The following EIF5B variants were observed in gnomAD, a reference collection of about 807,000 sequenced individuals.
The protein encoded by EIF5B is eIF-5B.
EIF5B carries 47 observed loss-of-function variants against 147.5 expected under a neutral mutation model. That is an observed-to-expected ratio of 0.32 (90% CI 0.25 to 0.41). EIF5B has a LOEUF of 0.41. Ranked by LOEUF, EIF5B falls within the 10% of genes least tolerant of loss-of-function variation. EIF5B has a pLI of 1.00. For synonymous variants in EIF5B, 455 were observed against 456.2 expected, an observed-to-expected ratio of 1.00 and a Z score of 0.03; for missense variants, 1,064 against 1,413.2, an observed-to-expected ratio of 0.75 and a Z score of 3.96.
rs371089792 is a variant in EIF5B, at chr2:99,390,371, C to T, written c.2556C>T (p.His852=). The change falls in exon 16 of 24, where the codon CAC becomes CAT. Residue 852 remains histidine, a synonymous_variant. Transcript: ENST00000289371. ...CCATGTTGAGCAAGAGACTTGCACA[C>T]TGTGAAGAGCTGAGAGCACAGGTGA... The part of the protein sequence containing the change: ...TQTMLSKRLA[H]CEELRAQVME... 5.1e-5 allele frequency: 83 copies of T among 1,613,124 alleles called. No homozygotes were observed. In the African/African-American group the frequency reaches 9.5e-4, roughly 18 times the overall value.
chr2:99,382,247 T>G (rs1478399137), intron 13 of EIF5B, 21 bp downstream of exon 13: 2 of 1,605,720 alleles, frequency 1.2e-6, no homozygotes, highest in Non-Finnish European at 8.5e-7. Flanking sequence ...TTTGAGTCTT[T>G]TCTCATCAAG....
chr2:99,338,497 C>T, intron 1 of EIF5B: 1 of 405,680 alleles, frequency 2.5e-6, no homozygotes, highest in Admixed American at 3.1e-5. Flanking sequence ...GCTAGTTCAT[C>T]AGTCTGACTC....
intron 10 of EIF5B, among the ~76,000 whole-genome samples, chr2:99,378,212 CAGAAAT>C (rs1674603187): frequency 6.6e-6 from 1 of 152,168 alleles, no homozygotes; most frequent in Admixed American, 6.6e-5. Flanking sequence ...AGGGTTCTTA[CAGAAAT>C]GGTTTTTAGA....
At position 99,369,402 on chromosome 2, in the gene EIF5B, A is replaced by G; in HGVS notation, c.1398A>G (p.Ser466=). ...QQLESKEVSE[S]MELCAAVEVM... is the part of the protein sequence containing the mutation. The stretch of plus-strand genomic sequence containing the variant: ...CTGCCCCTTTTTCAGTGTCTGAATC[A>G]ATGGAATTATGTGCTGCTGTAGAAG... Residue 466 remains serine (S), a synonymous_variant, in exon 8 of 24, where the codon TCA becomes TCG. Coordinates refer to ENST00000289371, the MANE Select transcript of EIF5B (RefSeq NM_015904.4). 3.7e-6 allele frequency: 6 copies of G among 1,610,022 alleles called. No individual in the cohort carries two copies. Among genetic ancestry groups the G allele is most frequent in the Non-Finnish European group, 5.1e-6 (6 of 1,178,030 alleles).
rs1199843795 is a variant in EIF5B, at chr2:99,399,564, T to C, written c.*150T>C. 1 of 671,078 alleles carries C rather than the reference T, an allele frequency of 1.5e-6. No individual in the cohort carries two copies. The highest frequency in any genetic ancestry group is 2.6e-5 in the Admixed American group (1 of 37,842). 41.6% of individuals were successfully genotyped at this position (671,078 alleles called of 1,614,324 possible). A position where few individuals can be genotyped will look rare whatever the true frequency, so the allele number is the denominator to read the frequency against. On this transcript the variant is annotated 3_prime_UTR_variant, in exon 24 of 24. Coordinates refer to ENST00000289371, the MANE Select transcript of EIF5B (RefSeq NM_015904.4). ...AAATAGGTGTATAAAATGTTTTCCATGAGAAACCAAGAAACTTACACTGGT... is the reference window on the plus strand; with the variant it reads ...AAATAGGTGTATAAAATGTTTTCCACGAGAAACCAAGAAACTTACACTGGT...
Position 99,346,122 on chromosome 2 carries a change from G to A in EIF5B, c.35+8533G>A, listed in dbSNP as rs142574778. On this transcript the variant is annotated intron_variant, in intron 1 of 23. Coordinates refer to ENST00000289371, the MANE Select transcript of EIF5B (RefSeq NM_015904.4). The stretch of plus-strand genomic sequence containing the variant: ...CGAGATTTCACATTTGCCTCTTAAA[G>A]TTATTGTTTATGCATCTTTAAAATC... 5.9e-3 allele frequency among the ~76,000 whole-genome samples: 896 copies of A among 152,286 alleles called. 6 individuals carry two copies. The highest frequency in any genetic ancestry group is 0.011 in the Non-Finnish European group (719 of 68,030).
In EIF5B at chr2:99,364,989, T is replaced by A. The variant is rs145428537; in HGVS notation, c.1288+568T>A. 6.5e-3 allele frequency among the ~76,000 whole-genome samples: 984 copies of A among 152,268 alleles called. 2 individuals are homozygous for A. The highest frequency in any genetic ancestry group is 0.01 in the Non-Finnish European group (706 of 68,014). On this transcript the variant is annotated intron_variant, in intron 6 of 23. Coordinates refer to ENST00000289371, the MANE Select transcript of EIF5B (RefSeq NM_015904.4). ...TTTATCCAAAGAGCTTTTGTTCCTT[T>A]TAGAGGGTAATAGTGTTTAGAGATC...
In EIF5B at chr2:99,394,897, T is replaced by G. The variant is rs1574942516; in HGVS notation, c.3254+14T>G. 22 of 1,550,670 alleles carry G rather than the reference T, an allele frequency of 1.4e-5. No homozygotes were observed. The highest frequency in any genetic ancestry group is 1.8e-5 in the Non-Finnish European group (21 of 1,143,968). The stretch of plus-strand genomic sequence containing the variant: ...AGAAGAATTTAAGTAAGTTACTGTT[T>G]TTATTTACTTTGAGTCTTTGTTAAT... On this transcript the variant is annotated intron_variant, in intron 21 of 23. Transcript: ENST00000289371.
Position 99,390,240 on chromosome 2 carries a change from T to G in EIF5B, c.2425T>G (p.Tyr809Asp), listed in dbSNP as rs1276773836. Residue 809 changes from tyrosine to aspartate, a missense_variant, in exon 16 of 24, where the codon TAT becomes GAT. Tyr to Asp is a radical substitution (Grantham distance 160). Around this residue, in one of 4 missense-constraint regions of EIF5B, gnomAD observed 380 missense variants for 715.6 expected, o/e 0.53. Coordinates refer to ENST00000289371, the MANE Select transcript of EIF5B (RefSeq NM_015904.4). Reference sequence around the variant, plus strand: ...CTAGGGTTTGAATGCTGCTTTGTTTTATGAGAATAAAGATCCCCGCACTTT... The same window carrying G: ...CTAGGGTTTGAATGCTGCTTTGTTTGATGAGAATAAAGATCCCCGCACTTT... Reference protein sequence around the residue: ...AQQGLNAALFYENKDPRTFVS... With the variant: ...AQQGLNAALFDENKDPRTFVS... 2 of 1,614,094 alleles carry G rather than the reference T, an allele frequency of 1.2e-6. No individual in the cohort carries two copies. Among genetic ancestry groups the G allele is most frequent in the Admixed American group, 3.3e-5 (2 of 60,020 alleles).
chr2:99,373,285 T>G (rs1674492329), intron 9 of EIF5B, among the ~76,000 whole-genome samples: 1 of 152,158 alleles, frequency 6.6e-6, no homozygotes, highest in Non-Finnish European at 1.5e-5. Flanking sequence ...AACAGAAATG[T>G]GTTTCTCACA....
At chr2:99,348,621 T>G (rs2094278062) in intron 1 of EIF5B, among the ~76,000 whole-genome samples, 1 of 152,218 alleles carries the variant, frequency 6.6e-6, no homozygotes, top group East Asian at 1.9e-4. Context: ...AAGAGAAGGA[T>G]TCCCTCTTAT....
intron 1 of EIF5B, among the ~76,000 whole-genome samples, chr2:99,342,172 C>G (rs1168162222): frequency 6.6e-6 from 1 of 151,994 alleles, no homozygotes; most frequent in African/African-American, 2.4e-5. Context: ...CACTTAAAGG[C>G]AACTGAAGAC....
At position 99,399,601 on chromosome 2, in the gene EIF5B, C is replaced by T. The variant is rs1447587332; in HGVS notation, c.*187C>T. On this transcript the variant is annotated 3_prime_UTR_variant, in exon 24 of 24. Transcript: ENST00000289371. ...AAACTTACACTGGTTTGACAGTGGT[C>T]AGTTACATGTCCCCACAGTTCCAAT... 3 of 550,576 alleles carry T rather than the reference C, an allele frequency of 5.4e-6. No homozygotes were observed. The highest frequency in any genetic ancestry group is 9.8e-6 in the Non-Finnish European group (3 of 306,042). The allele number at this position is 550,576 out of a possible 1,614,324, so 34.1% of individuals were successfully genotyped here.
chr2:99,360,337 A>C lies in EIF5B; in HGVS notation c.137A>C (p.Lys46Thr), dbSNP rs557337566. ...CAAAAGTCAAAAGGGAAAAAGAAAA[A>C]AGAGAAAAAAAAGCAGGACTTTGAG... ...EPQKSKGKKK[K>T]EKKKQDFDED... is the part of the protein sequence containing the mutation. The change falls in exon 2 of 24, where the codon AAA (lysine) becomes ACA (threonine). Residue 46 changes from lysine (K) to threonine (T), a missense_variant. This residue lies in a region of EIF5B where 458 missense variants were observed against 451.3 expected (regional missense o/e 1.01). Coordinates refer to ENST00000289371, the MANE Select transcript of EIF5B (RefSeq NM_015904.4). 6.2e-7 allele frequency: 1 copy of C among 1,608,438 alleles called. No homozygotes were observed. Among genetic ancestry groups the C allele is most frequent in the Non-Finnish European group, 8.5e-7 (1 of 1,177,634 alleles).
intron 14 of EIF5B, among the ~76,000 whole-genome samples, chr2:99,385,419 C>T (rs1674783954): frequency 6.6e-6 from 1 of 152,182 alleles, no homozygotes; most frequent in Non-Finnish European, 1.5e-5. Flanking sequence ...TAAGAAATTG[C>T]TACAGCCACC....
At chr2:99,368,395 T>A in intron 6 of EIF5B, 98 bp from the exon 7 acceptor site, 2 of 829,694 alleles carry the variant, frequency 2.4e-6, no homozygotes, top group South Asian at 3.2e-5. Flanking sequence ...TTTTAGGGTA[T>A]GTGTCTCTGT....
In EIF5B at chr2:99,400,228, A is replaced by G. The variant is rs1023251173; in HGVS notation, c.*814A>G. Reference sequence around the variant, plus strand: ...TTATACATTAATCTTGATCTGTTTTAATCTTGATCTGTTTTAGTAGAGATT... The same window carrying G: ...TTATACATTAATCTTGATCTGTTTTGATCTTGATCTGTTTTAGTAGAGATT... On this transcript the variant is annotated 3_prime_UTR_variant, in exon 24 of 24. Transcript: ENST00000289371. 6.6e-6 allele frequency: 1 copy of G among 151,194 alleles called. No homozygotes were observed. The highest frequency in any genetic ancestry group is 2.5e-5 in the African/African-American group (1 of 40,602). The allele number at this position is 151,194 out of a possible 1,614,324, so 9.4% of individuals were successfully genotyped here. A position where few individuals can be genotyped will look rare whatever the true frequency, so the allele number is the denominator to read the frequency against.
At chr2:99,338,241 C>T in intron 1 of EIF5B, 6 of 1,123,314 alleles carry the variant, frequency 5.3e-6, no homozygotes, top group Non-Finnish European at 7.2e-6. Context: ...AAGAAACCAA[C>T]CAACCGAGGT....
At position 99,390,821 on chromosome 2, in the gene EIF5B, C is replaced by T. The variant is rs1209249457; in HGVS notation, c.2748+116C>T. Reference sequence around the variant, plus strand: ...GACTTAATACAGAACACATACATCCCTCGCTCTCCCTTTTATTTTAGTTGT... The same window carrying T: ...GACTTAATACAGAACACATACATCCTTCGCTCTCCCTTTTATTTTAGTTGT... On this transcript the variant is annotated intron_variant, in intron 17 of 23. Transcript: ENST00000289371. 3.7e-6 allele frequency: 4 copies of T among 1,094,614 alleles called. No individual in the cohort carries two copies. The African/African-American group carries it at 6.3e-5, about 17-fold the overall frequency. The allele number at this position is 1,094,614 out of a possible 1,614,324, so 67.8% of individuals were successfully genotyped here.
Sources: allele counts gnomAD v4.1 joint callset (sites outside exome capture counted in the v4.1 genomes callset), GRCh38; gene constraint gnomAD v4.1.1; regional missense constraint gnomAD v4.1.1; transcripts MANE v1.5; gene names NCBI Gene and HGNC (gene_info 2026-07-23, HGNC 2026-07-21).